The following SP3 variants were observed in gnomAD, a reference collection of about 807,000 sequenced individuals.
The protein encoded by SP3 is transcription factor Sp3.
A neutral mutation model predicts 70.3 loss-of-function variants in SP3; 10 were observed. The ratio of observed to expected loss-of-function variants is 0.14; its 90% CI spans 0.09 to 0.24. The LOEUF (loss-of-function observed/expected upper bound fraction) is 0.24. SP3 is among the 10% of genes least tolerant of loss of function. SP3 has a pLI of 1.00. For synonymous variants in SP3, 402 were observed against 333.5 expected (o/e 1.21, Z -2.24); for missense variants, 825 against 914.6 (o/e 0.90, Z 1.26).
intron 1 of SP3, 94 bp from the exon 2 acceptor site, chr2:173,964,647 C>T: frequency 1.7e-6 from 1 of 584,582 alleles, no homozygotes; most frequent in South Asian, 1.8e-5. Context: ...ACTCCCAAAG[C>T]CCGGACCCAG....
chr2:173,914,143 G>C (rs983807345), intron 5 of SP3: 2 of 145,606 alleles, frequency 1.4e-5, no homozygotes, highest in Non-Finnish European at 3.0e-5. Flanking sequence ...AAACACTACA[G>C]AAAATGTTAT....
rs1208087965 is a variant in SP3, at chr2:173,901,247, G to GAATTT, written c.*8693_*8694insAAATT. ...TTTTTAGACAAAAATTTTTATGACA[G>GAATTT]TAGGTAAAGAATTTCTTAAGACACA... On this transcript the variant is annotated 3_prime_UTR_variant, in exon 7 of 7. Transcript: ENST00000310015. Among the ~76,000 whole-genome samples the GAATTT allele has an allele frequency of 1.4e-5, 2 of 146,064 alleles. No individual in the cohort carries two copies. Among genetic ancestry groups the GAATTT allele is most frequent in the Non-Finnish European group, 3.1e-5 (2 of 64,924 alleles).
intron 4 of SP3, among the ~76,000 whole-genome samples, chr2:173,934,512 T>C (rs991415544): frequency 1.3e-5 from 2 of 152,076 alleles, no homozygotes; most frequent in Non-Finnish European, 2.9e-5. Flanking sequence ...ACTAAAGATA[T>C]TTTCACCAAT....
chr2:173,929,731 T>G (rs1362538865), intron 4 of SP3, among the ~76,000 whole-genome samples: 1 of 152,188 alleles, frequency 6.6e-6, no homozygotes, highest in Non-Finnish European at 1.5e-5. Flanking sequence ...GTCTGTTATC[T>G]TCTAACGCTA....
chr2:173,944,418 C>A (rs980620034), intron 4 of SP3, among the ~76,000 whole-genome samples: 5 of 152,090 alleles, frequency 3.3e-5, no homozygotes, highest in African/African-American at 1.2e-4. Context: ...ACCTGTAGTC[C>A]CAGCTAACTC....
chr2:173,937,062 T>C (rs1478180576), intron 4 of SP3, among the ~76,000 whole-genome samples: 1 of 152,228 alleles, frequency 6.6e-6, no homozygotes, highest in Non-Finnish European at 1.5e-5. Context: ...CCAATAAATC[T>C]GTAAGCTTCT....
chr2:173,913,052 AAAGT>A lies in SP3; in HGVS notation c.2029+14_2029+17del, dbSNP rs777723283. 1.2e-5 allele frequency: 18 copies of A among 1,529,862 alleles called. No homozygotes were observed. The highest frequency in any genetic ancestry group is 1.2e-4 in the East Asian group (5 of 42,762). The allele number at this position is 1,529,862 out of a possible 1,614,324, so 94.8% of individuals were successfully genotyped here. On this transcript the variant is annotated intron_variant, in intron 6 of 6. Coordinates refer to ENST00000310015, the MANE Select transcript of SP3 (RefSeq NM_003111.5). ...CCCTATAATTCATTTTTGTCTGTTA[AAAGT>A]AAGTATTAGTAACCTGTATGTGTTC... is the stretch of plus-strand genomic sequence containing the variant.
At chr2:173,945,086 GTTAAA>G (rs1164134018) in intron 4 of SP3, among the ~76,000 whole-genome samples, 1 of 152,178 alleles carries the variant, frequency 6.6e-6, no homozygotes, top group Non-Finnish European at 1.5e-5. Context: ...ATTTACTAAT[GTTAAA>G]TTAAATACAC....
At chr2:173,937,053 C>T (rs1690229121) in intron 4 of SP3, among the ~76,000 whole-genome samples, 1 of 152,064 alleles carries the variant, frequency 6.6e-6, no homozygotes, top group South Asian at 2.1e-4. Flanking sequence ...TTAAATACTC[C>T]AATAAATCTG....
chr2:173,964,429 C>A lies in SP3; in HGVS notation c.132G>T (p.Ala44=). 1.4e-6 allele frequency: 1 copy of A among 733,374 alleles called. No individual in the cohort carries two copies. The highest frequency in any genetic ancestry group is 2.5e-6 in the Non-Finnish European group (1 of 399,790). 45.4% of individuals were successfully genotyped at this position (733,374 alleles called of 1,614,324 possible). The change falls in exon 2 of 7, where the codon GCG becomes GCT. Residue 44 remains alanine (A), a synonymous_variant. Coordinates refer to ENST00000310015, the MANE Select transcript of SP3 (RefSeq NM_003111.5). ...CCTGGGCCGCCGCTGCCGCCGCCAC[C>A]GCACCGTTTCCGTGCTGTTGCTGCT... is the stretch of plus-strand genomic sequence containing the variant. The part of the protein sequence containing the change: ...LQQQQQHGNG[A]VAAAAAAQDT...
At position 173,903,349 on chromosome 2, in the gene SP3, T is replaced by G. The variant is rs75088951; in HGVS notation, c.*6592A>C. Among the ~76,000 whole-genome samples the G allele has an allele frequency of 0.022, 3,332 of 152,096 alleles. 46 individuals are homozygous for G. The highest frequency in any genetic ancestry group is 0.033 in the Non-Finnish European group (2,226 of 67,992). On this transcript the variant is annotated 3_prime_UTR_variant, in exon 7 of 7. Coordinates refer to ENST00000310015, the MANE Select transcript of SP3 (RefSeq NM_003111.5). ...AGGCTAAGAGTGGAAAGGTAAAGAG[T>G]GAAAGGTCACATAGGTGGTAAGCGG...
At chr2:173,965,056 C>T (rs1480496810) in intron 1 of SP3, 109 bp downstream of exon 1, 11 of 1,418,272 alleles carry the variant, frequency 7.8e-6, no homozygotes, top group Non-Finnish European at 1.1e-5. Context: ...CACAGACACT[C>T]GGTCGCACAC....
chr2:173,922,141 T>C (rs1210054838), intron 4 of SP3, among the ~76,000 whole-genome samples: 2 of 152,116 alleles, frequency 1.3e-5, no homozygotes, highest in African/African-American at 2.4e-5. Flanking sequence ...GAGATGATAG[T>C]GGCCTGAAGC....
chr2:173,907,401 T>C lies in SP3; in HGVS notation c.*2540A>G, dbSNP rs1036729600. On this transcript the variant is annotated 3_prime_UTR_variant, in exon 7 of 7. Transcript: ENST00000310015. ...CCAGAGTATATTCAACATTTTAAAATATAAAAATAGAAATATTTAAAATTA... is the reference window on the plus strand; with the variant it reads ...CCAGAGTATATTCAACATTTTAAAACATAAAAATAGAAATATTTAAAATTA... 1.3e-5 allele frequency: 2 copies of C among 152,062 alleles called. No individual in the cohort carries two copies. Among genetic ancestry groups the C allele is most frequent in the African/African-American group, 2.4e-5 (1 of 41,430 alleles). 9.4% of individuals were successfully genotyped at this position (152,062 alleles called of 1,614,324 possible).
rs1224012739 is a variant in SP3 at position 173,956,187 on chromosome 2, A to G, written c.325T>C (p.Trp109Arg). 1 of 1,613,794 alleles carries G rather than the reference A, an allele frequency of 6.2e-7. No individual in the cohort carries two copies. Among genetic ancestry groups the G allele is most frequent in the Admixed American group, 1.7e-5 (1 of 60,022 alleles). Residue 109 changes from tryptophan (W) to arginine (R), a missense_variant, in exon 4 of 7, where the codon TGG becomes CGG. Trp to Arg is a moderately radical substitution (Grantham distance 101). Coordinates refer to ENST00000310015, the MANE Select transcript of SP3 (RefSeq NM_003111.5). ...GTAGGTGTGGCTGACAAAACCTCCC[A>G]TCGGTTTGGTGCTCCTCCTAACTGT... ...SAQLGGAPNR[W>R]EVLSATPTTI... is the part of the protein sequence containing the mutation.
At chr2:173,963,920 GGGA>G in intron 2 of SP3, 37 bp from the exon 3 acceptor site, 1 of 1,398,250 alleles carries the variant, frequency 7.2e-7, no homozygotes, top group Non-Finnish European at 9.5e-7. Context: ...GGGAGACAGG[GGGA>G]GGGGGTGGCG....
intron 5 of SP3, chr2:173,914,271 T>C (rs1006650672): frequency 1.3e-5 from 2 of 152,056 alleles, no homozygotes; most frequent in Non-Finnish European, 2.9e-5. Context: ...ACAATGTTTC[T>C]GAGTTTTTTT....
chr2:173,961,020 A>G lies in SP3; in HGVS notation c.279+2741T>C, dbSNP rs144608365. ...TAAAAGTCACTTATTTTATTCCACT[A>G]AAGTAAAAATGAAGTAAATTAATAA... On this transcript the variant is annotated intron_variant, in intron 3 of 6. Transcript: ENST00000310015. Among the ~76,000 whole-genome samples, 365 of 152,308 alleles carry G rather than the reference A, an allele frequency of 2.4e-3. 3 individuals are homozygous for G. The highest frequency in any genetic ancestry group is 8.4e-3 in the African/African-American group (348 of 41,576).
At chr2:173,932,090 A>G (rs960715178) in intron 4 of SP3, among the ~76,000 whole-genome samples, 5 of 152,184 alleles carry the variant, frequency 3.3e-5, no homozygotes, top group African/African-American at 1.2e-4. Flanking sequence ...TTTCCTCACT[A>G]AGCTTAATTA....
Sources: gnomAD v4.1 joint callset for allele counts (sites outside exome capture counted in the v4.1 genomes callset) on GRCh38, gnomAD v4.1.1 for gene constraint, MANE v1.5 for transcripts, NCBI Gene and HGNC (gene_info 2026-07-23, HGNC 2026-07-21) for gene names.